Variants in UBE2N observed in about 807,000 individuals in gnomAD.
UBE2N encodes the protein ubiquitin-conjugating enzyme E2 N.
For missense variants in UBE2N, 60 were observed against 192.1 expected (o/e 0.31, Z 4.07); for synonymous variants, 70 against 69.2 (o/e 1.01, Z -0.06).
Position 93,405,716 on chromosome 12 carries a change from A to G in UBE2N, c.*4323T>C, listed in dbSNP as rs933931380. On this transcript the variant is annotated 3_prime_UTR_variant, in exon 4 of 4. Transcript: ENST00000318066. The stretch of plus-strand genomic sequence containing the variant: ...GGTAGATGACAGATTTTTATTATTT[A>G]CACTTCTCTCAAATTATTACATTCA... 2 of 152,222 alleles carry G rather than the reference A, an allele frequency of 1.3e-5. No homozygotes were observed. The highest frequency in any genetic ancestry group is 4.8e-5 in the African/African-American group (2 of 41,460). 9.4% of individuals were successfully genotyped at this position (152,222 alleles called of 1,614,324 possible). A position where few individuals can be genotyped will look rare whatever the true frequency, so the allele number is the denominator to read the frequency against.
At chr12:93,441,730 C>G in intron 1 of UBE2N, 125 bp downstream of exon 1, 1 of 1,349,738 alleles carries the variant, frequency 7.4e-7, no homozygotes, top group Non-Finnish European at 1.0e-6. Flanking sequence ...CGGCCAACCC[C>G]TCTCCGCGCC....
chr12:93,412,601 A>C (rs1187943081), intron 1 of UBE2N, among the ~76,000 whole-genome samples: 2 of 152,240 alleles, frequency 1.3e-5, no homozygotes, highest in African/African-American at 2.4e-5. Context: ...CAAAGGAGAC[A>C]GGGTCATTTA....
intron 1 of UBE2N, among the ~76,000 whole-genome samples, chr12:93,427,064 C>T (rs565501524): frequency 3.9e-5 from 6 of 152,236 alleles, no homozygotes; most frequent in South Asian, 2.1e-4. Context: ...GGATTACAGG[C>T]GTGTGCCACC....
chr12:93,438,233 G>T (rs2121102699), intron 1 of UBE2N, among the ~76,000 whole-genome samples: 1 of 152,264 alleles, frequency 6.6e-6, no homozygotes, highest in East Asian at 1.9e-4. Flanking sequence ...GGGGAATAGA[G>T]AGAAATAAAC....
intron 1 of UBE2N, among the ~76,000 whole-genome samples, chr12:93,429,023 G>A (rs1878672010): frequency 6.6e-6 from 1 of 152,106 alleles, no homozygotes. Flanking sequence ...TGTAATCCCA[G>A]CACTTTTGGA....
At chr12:93,418,204 A>C (rs573529903) in intron 1 of UBE2N, among the ~76,000 whole-genome samples, 2 of 152,106 alleles carry the variant, frequency 1.3e-5, no homozygotes, top group Non-Finnish European at 2.9e-5. Context: ...AAACCAAAAA[A>C]CTAAAAAAAT....
At position 93,407,417 on chromosome 12, in the gene UBE2N, CTT is replaced by C. The variant is rs931103287; in HGVS notation, c.*2620_*2621del. ...ACAACTAGTGGGCAAACATGAAACA[CTT>C]TTGTTGAATAATGTGTTTCCTTTAG... On this transcript the variant is annotated 3_prime_UTR_variant, in exon 4 of 4. Transcript: ENST00000318066. 2.0e-5 allele frequency: 3 copies of C among 152,206 alleles called. No individual in the cohort carries two copies. Among genetic ancestry groups the C allele is most frequent in the South Asian group, 2.1e-4 (1 of 4,834 alleles). 9.4% of individuals were successfully genotyped at this position (152,206 alleles called of 1,614,324 possible). A position where few individuals can be genotyped will look rare whatever the true frequency, so the allele number is the denominator to read the frequency against.
intron 1 of UBE2N, among the ~76,000 whole-genome samples, chr12:93,421,555 A>T (rs1442760323): frequency 6.6e-6 from 1 of 152,206 alleles, no homozygotes; most frequent in African/African-American, 2.4e-5. Flanking sequence ...CACGGGAGTT[A>T]AAAGGGCTAT....
At chr12:93,438,387 G>C (rs1879000480) in intron 1 of UBE2N, among the ~76,000 whole-genome samples, 1 of 152,122 alleles carries the variant, frequency 6.6e-6, no homozygotes, top group African/African-American at 2.4e-5. Context: ...GCTAAGAACG[G>C]AACAACTGGA....
chr12:93,418,608 T>G (rs571215316), intron 1 of UBE2N, among the ~76,000 whole-genome samples: 1 of 151,604 alleles, frequency 6.6e-6, no homozygotes, highest in Non-Finnish European at 1.5e-5. Flanking sequence ...TTACAAATCA[T>G]AAGGCCACCT....
intron 3 of UBE2N, 49 bp from the exon 4 acceptor site, chr12:93,410,128 G>A: frequency 6.4e-7 from 1 of 1,566,200 alleles, no homozygotes; most frequent in Non-Finnish European, 8.8e-7. Context: ...AGTTCAATAT[G>A]TTACTTTCCA....
At chr12:93,436,664 G>A (rs1265813991) in intron 1 of UBE2N, among the ~76,000 whole-genome samples, 1 of 151,326 alleles carries the variant, frequency 6.6e-6, no homozygotes, top group Non-Finnish European at 1.5e-5. Flanking sequence ...ATCTCACTAT[G>A]TTCCTCAGGC....
intron 1 of UBE2N, among the ~76,000 whole-genome samples, chr12:93,425,498 C>A (rs1878553067): frequency 6.6e-6 from 1 of 152,148 alleles, no homozygotes; most frequent in Admixed American, 6.6e-5. Flanking sequence ...TCCTAGAGAT[C>A]AAGGCCTGTG....
intron 1 of UBE2N, chr12:93,441,220 G>A (rs1186351338): frequency 2.6e-5 from 4 of 152,498 alleles, no homozygotes; most frequent in African/African-American, 9.6e-5. Context: ...CAAGGGCAGC[G>A]GGGCGCGGGG....
chr12:93,410,434 AAC>A (rs1409487293), intron 3 of UBE2N: 1 of 518,572 alleles, frequency 1.9e-6, no homozygotes, highest in African/African-American at 1.9e-5. Flanking sequence ...GGGTTACAAA[AAC>A]AGTTCAAGTT....
chr12:93,420,217 TA>T (rs1565793897), intron 1 of UBE2N, among the ~76,000 whole-genome samples: 1 of 152,172 alleles, frequency 6.6e-6, no homozygotes, highest in African/African-American at 2.4e-5. Flanking sequence ...TATGGGTTGA[TA>T]GGTAACAAAT....
Position 93,406,734 on chromosome 12 carries a change from C to T in UBE2N, c.*3305G>A, listed in dbSNP as rs1430688157. 1.3e-5 allele frequency: 2 copies of T among 152,062 alleles called. No individual in the cohort carries two copies. Among genetic ancestry groups the T allele is most frequent in the Admixed American group, 6.5e-5 (1 of 15,268 alleles). 9.4% of individuals were successfully genotyped at this position (152,062 alleles called of 1,614,324 possible). A position where few individuals can be genotyped will look rare whatever the true frequency, so the allele number is the denominator to read the frequency against. On this transcript the variant is annotated 3_prime_UTR_variant, in exon 4 of 4. Coordinates refer to ENST00000318066, the MANE Select transcript of UBE2N (RefSeq NM_003348.4). ...TAAGTAATCTAAATATTAACATAAG[C>T]GGGAGGATTTGTGTAGATTGTATGC...
intron 1 of UBE2N, chr12:93,441,379 G>C (rs534447117): frequency 6.4e-6 from 1 of 157,278 alleles, no homozygotes; most frequent in South Asian, 2.0e-4. Context: ...CTGCACCCGC[G>C]GTTGCCGCAC....
chr12:93,437,316 G>A (rs1377189043), intron 1 of UBE2N, among the ~76,000 whole-genome samples: 6 of 151,142 alleles, frequency 4.0e-5, no homozygotes, highest in Non-Finnish European at 7.4e-5. Context: ...CCTGTGAAAA[G>A]CCACTGCACT....
Sources: allele counts gnomAD v4.1 joint callset (sites outside exome capture counted in the v4.1 genomes callset), GRCh38; gene constraint gnomAD v4.1.1; transcripts MANE v1.5; gene names NCBI Gene and HGNC (gene_info 2026-07-23, HGNC 2026-07-21).